DEUP1: variants seen among roughly 807,000 people sequenced by gnomAD.
DEUP1 encodes the protein coiled-coil domain containing 67.
DEUP1 carries 82 observed loss-of-function variants against 87.4 expected under a neutral mutation model. That is an observed-to-expected ratio of 0.94 (90% CI 0.78 to 1.13). The LOEUF (loss-of-function observed/expected upper bound fraction) is 1.13, where lower values mean the gene tolerates loss of function less well. Among genes scored for constraint, DEUP1 ranks in the 50% most tolerant of loss-of-function variants. The pLI is 0.00. For synonymous variants in DEUP1, 214 were observed against 222.7 expected (o/e 0.96, Z 0.35); for missense variants, 663 against 681.5 (o/e 0.97, Z 0.30).
intron 9 of DEUP1, among the ~76,000 whole-genome samples, chr11:93,391,289 G>C (rs917837190): frequency 3.9e-5 from 6 of 152,008 alleles, no homozygotes; most frequent in African/African-American, 1.5e-4. Flanking sequence ...AGGTAAATTA[G>C]TTTCTTCTTT....
At position 93,408,507 on chromosome 11, in the gene DEUP1, C is replaced by T. The variant is rs998270081; in HGVS notation, c.1523+80C>T. Reference sequence around the variant, plus strand: ...TATTTTTAAAGAATTCAAATTATAACTTTATACGCTTTCTCTTCTGTGGTT... The same window carrying T: ...TATTTTTAAAGAATTCAAATTATAATTTTATACGCTTTCTCTTCTGTGGTT... On this transcript the variant is annotated intron_variant, in intron 12 of 13. Transcript: ENST00000298050. The T allele has an allele frequency of 1.4e-5, 12 of 886,910 alleles. No individual in the cohort carries two copies. The African/African-American group carries it at 1.7e-4, about 13-fold the overall frequency. The allele number at this position is 886,910 out of a possible 1,614,324, so 54.9% of individuals were successfully genotyped here. A position where few individuals can be genotyped will look rare whatever the true frequency, so the allele number is the denominator to read the frequency against.
intron 2 of DEUP1, among the ~76,000 whole-genome samples, chr11:93,344,182 C>T (rs552158962): frequency 5.9e-5 from 9 of 152,078 alleles, no homozygotes; most frequent in South Asian, 2.1e-4. Flanking sequence ...ACATCACAGA[C>T]GTATCTATGA....
intron 13 of DEUP1, among the ~76,000 whole-genome samples, chr11:93,420,735 G>A (rs1947849668): frequency 7.3e-6 from 1 of 136,396 alleles, no homozygotes; most frequent in South Asian, 2.7e-4. Flanking sequence ...CAAAATCAAT[G>A]TGCAAAAATC....
At chr11:93,398,250 T>C (rs1385212305) in intron 11 of DEUP1, among the ~76,000 whole-genome samples, 1 of 152,162 alleles carries the variant, frequency 6.6e-6, no homozygotes, top group African/African-American at 2.4e-5. Context: ...CCTATTTTAT[T>C]TTTATAATAG....
At chr11:93,367,748 A>G (rs16918822) in intron 5 of DEUP1, among the ~76,000 whole-genome samples, 3,785 of 152,286 alleles carry the variant, frequency 0.025, 68 homozygotes, top group South Asian at 0.076. Flanking sequence ...CCATGTTTCT[A>G]TATGCAATAA....
intron 9 of DEUP1, 28 bp downstream of exon 9, chr11:93,389,153 C>T: frequency 7.7e-7 from 1 of 1,290,748 alleles, no homozygotes; most frequent in Non-Finnish European, 1.1e-6. Flanking sequence ...CTCCATTCTT[C>T]CAGGTAGATG....
intron 13 of DEUP1, among the ~76,000 whole-genome samples, chr11:93,418,069 A>C (rs917740490): frequency 1.3e-5 from 2 of 152,232 alleles, no homozygotes; most frequent in African/African-American, 4.8e-5. Flanking sequence ...ACCTAAAACC[A>C]TAAAAACTGT....
At chr11:93,408,665 T>C (rs1325811434) in intron 12 of DEUP1, among the ~76,000 whole-genome samples, 1 of 152,168 alleles carries the variant, frequency 6.6e-6, no homozygotes, top group Non-Finnish European at 1.5e-5. Flanking sequence ...TCTCAGATCT[T>C]TTTGGAAGCT....
chr11:93,393,504 C>T (rs1255609956), intron 9 of DEUP1, among the ~76,000 whole-genome samples: 2 of 151,938 alleles, frequency 1.3e-5, no homozygotes, highest in Non-Finnish European at 2.9e-5. Flanking sequence ...CTCTAATTGG[C>T]ATTCATTCAT....
At chr11:93,408,607 C>G (rs1373831484) in intron 12 of DEUP1, 180 bp downstream of exon 12, 1 of 442,780 alleles carries the variant, frequency 2.3e-6, no homozygotes, top group African/African-American at 2.0e-5. Flanking sequence ...GAAATTGTGT[C>G]GATTTGAAAT....
intron 7 of DEUP1, among the ~76,000 whole-genome samples, chr11:93,383,006 C>T (rs879486344): frequency 2.0e-5 from 3 of 152,054 alleles, no homozygotes; most frequent in Non-Finnish European, 4.4e-5. Context: ...ACACAGGCCT[C>T]CTGGAAAACA....
At chr11:93,345,276 G>A (rs1944288193) in intron 2 of DEUP1, among the ~76,000 whole-genome samples, 1 of 152,158 alleles carries the variant, frequency 6.6e-6, no homozygotes, top group African/African-American at 2.4e-5. Context: ...CAATTAGGTT[G>A]ATTCGTTGTC....
chr11:93,416,440 A>G (rs1947632640), intron 13 of DEUP1, among the ~76,000 whole-genome samples: 1 of 152,222 alleles, frequency 6.6e-6, no homozygotes, highest in Non-Finnish European at 1.5e-5. Context: ...AGAAATGGAT[A>G]AATTCCTCGA....
At chr11:93,370,742 T>C (rs1485535874) in intron 6 of DEUP1, among the ~76,000 whole-genome samples, 3 of 152,232 alleles carry the variant, frequency 2.0e-5, no homozygotes, top group Admixed American at 2.0e-4. Context: ...CATTGTATAA[T>C]TGAATTTTTT....
chr11:93,436,766 A>G (rs1396918341), intron 13 of DEUP1, among the ~76,000 whole-genome samples: 4 of 152,222 alleles, frequency 2.6e-5, no homozygotes, highest in African/African-American at 9.6e-5. Flanking sequence ...GCAACCACAG[A>G]ACTGGAAAAT....
chr11:93,436,747 A>G (rs1350302631), intron 13 of DEUP1, among the ~76,000 whole-genome samples: 1 of 152,226 alleles, frequency 6.6e-6, no homozygotes, highest in East Asian at 1.9e-4. Context: ...AAAATCAAAG[A>G]AGAATATAGC....
intron 2 of DEUP1, among the ~76,000 whole-genome samples, chr11:93,343,048 A>G (rs1250473617): frequency 6.6e-6 from 1 of 152,298 alleles, no homozygotes; most frequent in Admixed American, 6.5e-5. Flanking sequence ...GTCAGTGTTG[A>G]ATAGATGGTT....
chr11:93,429,874 C>A (rs749634706), intron 13 of DEUP1, among the ~76,000 whole-genome samples: 1 of 152,114 alleles, frequency 6.6e-6, no homozygotes, highest in Non-Finnish European at 1.5e-5. Context: ...ATTCTCAACT[C>A]TTCTAGGAAC....
chr11:93,341,518 G>C (rs1353309161), intron 2 of DEUP1, among the ~76,000 whole-genome samples: 1 of 152,162 alleles, frequency 6.6e-6, no homozygotes, highest in Non-Finnish European at 1.5e-5. Context: ...GGGAGATACT[G>C]TAAGTCTTTA....
Sources: gnomAD v4.1 joint callset for allele counts (sites outside exome capture counted in the v4.1 genomes callset) on GRCh38, gnomAD v4.1.1 for gene constraint, MANE v1.5 for transcripts, NCBI Gene and HGNC (gene_info 2026-07-23, HGNC 2026-07-21) for gene names.